SORCS1: variants seen among roughly 807,000 people sequenced by gnomAD.
SORCS1 encodes sortilin related VPS10 domain containing receptor 1.
In SORCS1, 60 loss-of-function variants were observed where a neutral mutation model predicts 146.1. That is an observed-to-expected ratio of 0.41 (90% CI 0.33 to 0.51). The LOEUF (loss-of-function observed/expected upper bound fraction) is 0.51. Among genes scored for constraint, SORCS1 ranks in the 20% least tolerant of loss-of-function variants. SORCS1 has a pLI of 0.21. For synonymous variants in SORCS1, 637 were observed against 584.0 expected (o/e 1.09, Z -1.31); for missense variants, 1,352 against 1,487.6 (o/e 0.91, Z 1.50).
intron 3 of SORCS1, among the ~76,000 whole-genome samples, chr10:106,813,187 C>G (rs1022618217): frequency 7.6e-6 from 1 of 130,856 alleles, no homozygotes; most frequent in Non-Finnish European, 1.5e-5. Flanking sequence ...CGCTGGAGTG[C>G]AATAGTGAGA....
intron 1 of SORCS1, among the ~76,000 whole-genome samples, chr10:106,992,826 CTTTTTT>C (rs36052970): frequency 1.8e-5 from 1 of 57,086 alleles, no homozygotes; most frequent in Admixed American, 2.2e-4. Context: ...TTCTTTCTTT[CTTTTTT>C]TTTTTTTTTT....
At chr10:106,803,031 C>G (rs892545597) in intron 3 of SORCS1, among the ~76,000 whole-genome samples, 6 of 152,156 alleles carry the variant, frequency 3.9e-5, no homozygotes, top group Non-Finnish European at 7.3e-5. Flanking sequence ...GATCTTCTCC[C>G]TTCTGATTAG....
At chr10:106,757,280 CTA>C (rs1198998137) in intron 5 of SORCS1, among the ~76,000 whole-genome samples, 22 of 151,988 alleles carry the variant, frequency 1.4e-4, no homozygotes, top group Admixed American at 1.4e-3. Context: ...TAGGGAAATT[CTA>C]TGTTATTACC....
intron 23 of SORCS1, among the ~76,000 whole-genome samples, chr10:106,605,930 T>C (rs1481020993): frequency 6.6e-6 from 1 of 151,962 alleles, no homozygotes; most frequent in Non-Finnish European, 1.5e-5. Flanking sequence ...TCTCAAGTCA[T>C]CCTGGAAGAC....
intron 2 of SORCS1, among the ~76,000 whole-genome samples, chr10:106,936,563 T>C (rs901171251): frequency 6.6e-6 from 1 of 152,232 alleles, no homozygotes; most frequent in African/African-American, 2.4e-5. Context: ...GCTTCAAATA[T>C]CTTCTTCCTT....
chr10:106,621,454 G>A (rs1847738527), intron 19 of SORCS1, among the ~76,000 whole-genome samples: 1 of 151,496 alleles, frequency 6.6e-6, no homozygotes, highest in South Asian at 2.1e-4. Context: ...TGCTTGCCCT[G>A]TAAATGTGTT....
chr10:106,678,781 G>T (rs1852222672), intron 12 of SORCS1, among the ~76,000 whole-genome samples: 2 of 152,054 alleles, frequency 1.3e-5, no homozygotes, highest in African/African-American at 4.8e-5. Flanking sequence ...TCTGTCTTTT[G>T]CACATGAGAT....
chr10:107,107,372 G>A (rs1965379914), intron 1 of SORCS1, among the ~76,000 whole-genome samples: 1 of 152,180 alleles, frequency 6.6e-6, no homozygotes, highest in Admixed American at 6.5e-5. Flanking sequence ...AGACAGTGGA[G>A]GAAGGTAATC....
chr10:106,857,310 A>G (rs1044079290), intron 2 of SORCS1, among the ~76,000 whole-genome samples: 2 of 152,182 alleles, frequency 1.3e-5, no homozygotes, highest in African/African-American at 4.8e-5. Flanking sequence ...CCACAGACGG[A>G]AGATGCCTTA....
chr10:106,901,022 T>C (rs1951679076), intron 2 of SORCS1, among the ~76,000 whole-genome samples: 1 of 152,224 alleles, frequency 6.6e-6, no homozygotes, highest in Non-Finnish European at 1.5e-5. Context: ...TTAATGAAAA[T>C]GCTCACATAT....
intron 6 of SORCS1, among the ~76,000 whole-genome samples, chr10:106,709,944 A>G (rs1156554092): frequency 6.6e-6 from 1 of 151,974 alleles, no homozygotes; most frequent in Non-Finnish European, 1.5e-5. Context: ...TCCCTCCCAA[A>G]CCCAAATGAA....
At chr10:106,894,224 G>T (rs1484241379) in intron 2 of SORCS1, among the ~76,000 whole-genome samples, 1 of 151,928 alleles carries the variant, frequency 6.6e-6, no homozygotes, top group Non-Finnish European at 1.5e-5. Context: ...GGAAGTTAGT[G>T]GGGCATGTGT....
intron 1 of SORCS1, among the ~76,000 whole-genome samples, chr10:107,006,185 G>T (rs2139676280): frequency 6.6e-6 from 1 of 152,216 alleles, no homozygotes; most frequent in South Asian, 2.1e-4. Context: ...CCTATTCTAG[G>T]TCCTCCTGGT....
intron 1 of SORCS1, among the ~76,000 whole-genome samples, chr10:106,990,813 AACC>A (rs1180996767): frequency 6.6e-6 from 1 of 152,236 alleles, no homozygotes; most frequent in Non-Finnish European, 1.5e-5. Context: ...AACAGACAAA[AACC>A]ACCAATTAAA....
intron 2 of SORCS1, among the ~76,000 whole-genome samples, chr10:106,850,474 C>A (rs530901136): frequency 6.6e-6 from 1 of 152,098 alleles, no homozygotes; most frequent in African/African-American, 2.4e-5. Flanking sequence ...CACTGGCCTG[C>A]GCCCACTGTC....
chr10:106,957,191 T>TA (rs1010816075), intron 1 of SORCS1, among the ~76,000 whole-genome samples: 1 of 142,724 alleles, frequency 7.0e-6, no homozygotes, highest in Non-Finnish European at 1.5e-5. Context: ...TTTTTGGAGA[T>TA]AGAGTTTCGC....
intron 5 of SORCS1, among the ~76,000 whole-genome samples, chr10:106,731,068 G>T (rs182051147): frequency 6.6e-6 from 1 of 151,654 alleles, no homozygotes; most frequent in Non-Finnish European, 1.5e-5. Flanking sequence ...CCAGCACTTT[G>T]GGAGGCTGAG....
At chr10:106,603,654 G>A (rs190844451) in intron 23 of SORCS1, among the ~76,000 whole-genome samples, 8 of 152,250 alleles carry the variant, frequency 5.3e-5, no homozygotes, top group Admixed American at 1.3e-4. Context: ...GGGCCAAGGC[G>A]TGAAATGAGG....
chr10:107,153,904 TC>T (rs1969048411), intron 1 of SORCS1, among the ~76,000 whole-genome samples: 1 of 152,034 alleles, frequency 6.6e-6, no homozygotes, highest in Non-Finnish European at 1.5e-5. Flanking sequence ...TTGAGTCATA[TC>T]CTTTCCTGCT....
Sources: allele counts gnomAD v4.1 joint callset (sites outside exome capture counted in the v4.1 genomes callset), GRCh38; gene constraint gnomAD v4.1.1; transcripts MANE v1.5; gene names NCBI Gene and HGNC (gene_info 2026-07-23, HGNC 2026-07-21).